DNM3: variants seen among roughly 807,000 people sequenced by gnomAD.
DNM3 encodes the protein dynamin 3.
A neutral mutation model predicts 101.6 loss-of-function variants in DNM3; 47 were observed. The observed-to-expected ratio is 0.46, with a 90% CI of 0.37 to 0.59. The LOEUF (loss-of-function observed/expected upper bound fraction) is 0.59. Ranked by LOEUF, DNM3 falls within the 20% of genes least tolerant of loss-of-function variation. The pLI is 0.00. For synonymous variants in DNM3, 385 were observed against 387.9 expected, an observed-to-expected ratio of 0.99 and a Z score of 0.09; for missense variants, 849 against 1,085.7, an observed-to-expected ratio of 0.78 and a Z score of 3.06.
intron 14 of DNM3, among the ~76,000 whole-genome samples, chr1:172,209,724 C>T (rs988281583): frequency 6.6e-6 from 1 of 152,074 alleles, no homozygotes; most frequent in Non-Finnish European, 1.5e-5. Flanking sequence ...GTGAGCCATA[C>T]ATTACAGGGC....
chr1:172,223,227 T>TGG (rs1024947039), intron 14 of DNM3, among the ~76,000 whole-genome samples: 20 of 151,616 alleles, frequency 1.3e-4, no homozygotes, highest in Admixed American at 1.2e-3. Flanking sequence ...ATCCTGCCCC[T>TGG]AACCCCACCT....
chr1:172,233,704 G>T (rs1363739835), intron 14 of DNM3, among the ~76,000 whole-genome samples: 6 of 152,114 alleles, frequency 3.9e-5, no homozygotes, highest in Non-Finnish European at 8.8e-5. Flanking sequence ...GATCAAGTGG[G>T]CTTCATCCCT....
At chr1:172,132,383 T>A (rs545966296) in intron 14 of DNM3, among the ~76,000 whole-genome samples, 5 of 152,290 alleles carry the variant, frequency 3.3e-5, no homozygotes, top group Non-Finnish European at 5.9e-5. Flanking sequence ...CCTATAGAAA[T>A]GTATTTAAAT....
At chr1:171,870,190 A>G (rs2035137908) in intron 1 of DNM3, among the ~76,000 whole-genome samples, 1 of 152,242 alleles carries the variant, frequency 6.6e-6, no homozygotes, top group Admixed American at 6.5e-5. Context: ...ATTATTAAAT[A>G]ACAATATCCG....
intron 11 of DNM3, among the ~76,000 whole-genome samples, chr1:172,075,527 A>C (rs775318805): frequency 1.3e-5 from 2 of 152,212 alleles, no homozygotes; most frequent in East Asian, 1.9e-4. Context: ...AGTCTTCTGC[A>C]TATGGCTAGC....
downstream of DNM3, among the ~76,000 whole-genome samples, chr1:172,416,740 G>A (rs924868537): frequency 1.1e-4 from 17 of 152,252 alleles, no homozygotes; most frequent in African/African-American, 3.4e-4. Context: ...TTCTGGGCAG[G>A]TGATAAATCT....
chr1:171,955,454 G>A (rs2042792144), intron 2 of DNM3, among the ~76,000 whole-genome samples: 1 of 152,174 alleles, frequency 6.6e-6, no homozygotes, highest in Non-Finnish European at 1.5e-5. Flanking sequence ...AAGGGCATCA[G>A]AGAGGAATAT....
chr1:172,003,178 A>G (rs1029491249), intron 4 of DNM3, among the ~76,000 whole-genome samples: 2 of 151,992 alleles, frequency 1.3e-5, no homozygotes, highest in Non-Finnish European at 2.9e-5. Context: ...TTGCTATTCA[A>G]GGTAAAAGTG....
chr1:172,182,339 A>T (rs2059380385), intron 14 of DNM3, among the ~76,000 whole-genome samples: 1 of 152,108 alleles, frequency 6.6e-6, no homozygotes, highest in Non-Finnish European at 1.5e-5. Context: ...ATCTGGCATC[A>T]CTGGGATATG....
chr1:172,016,787 C>T lies in DNM3; in HGVS notation c.590-15615C>T, dbSNP rs144558574. 5.8e-3 allele frequency among the ~76,000 whole-genome samples: 888 copies of T among 152,176 alleles called. 8 individuals are homozygous for T. The highest frequency in any genetic ancestry group is 0.02 in the African/African-American group (831 of 41,528). On this transcript the variant is annotated intron_variant, in intron 4 of 20. Transcript: ENST00000627582. ...TTTATTTGATGAATATAAGCCTGTT[C>T]CAATCACCTATTTCTTCTGGTGTGA... is the stretch of plus-strand genomic sequence containing the variant.
intron 1 of DNM3, among the ~76,000 whole-genome samples, chr1:171,876,266 G>A (rs559170070): frequency 6.6e-6 from 1 of 152,274 alleles, no homozygotes; most frequent in East Asian, 1.9e-4. Context: ...AACCATTGAA[G>A]TGGAATATAG....
At chr1:171,858,379 G>A (rs192374607) in intron 1 of DNM3, among the ~76,000 whole-genome samples, 1 of 151,952 alleles carries the variant, frequency 6.6e-6, no homozygotes, top group Non-Finnish European at 1.5e-5. Flanking sequence ...TAAACTACTT[G>A]TGAGTCTCCC....
rs1042830137 is a variant in DNM3 at position 172,370,991 on chromosome 1, G to A, written c.1894-8027G>A. Among the ~76,000 whole-genome samples the A allele has an allele frequency of 2.0e-5, 3 of 151,972 alleles. No individual in the cohort carries two copies. In the South Asian group the frequency reaches 6.2e-4, roughly 31 times the overall value. On this transcript the variant is annotated intron_variant, in intron 17 of 20. Transcript: ENST00000627582. ...AATTTCAGAACGAATAGAAGTGTTTGTATCTGTGGGTTTGACACACTACTG... is the reference window on the plus strand; with the variant it reads ...AATTTCAGAACGAATAGAAGTGTTTATATCTGTGGGTTTGACACACTACTG...
At chr1:172,377,181 ATAATAT>A (rs1464675647) in intron 17 of DNM3, among the ~76,000 whole-genome samples, 1 of 151,834 alleles carries the variant, frequency 6.6e-6, no homozygotes, top group Non-Finnish European at 1.5e-5. Context: ...TTGACTTAAA[ATAATAT>A]TTATCTAACA....
chr1:172,204,986 T>C (rs1213992377), intron 14 of DNM3, among the ~76,000 whole-genome samples: 1 of 152,178 alleles, frequency 6.6e-6, no homozygotes, highest in African/African-American at 2.4e-5. Context: ...CATTCAGCTA[T>C]TAAAATATAA....
intron 14 of DNM3, among the ~76,000 whole-genome samples, chr1:172,205,675 G>C (rs1434197347): frequency 6.6e-6 from 1 of 152,076 alleles, no homozygotes; most frequent in East Asian, 1.9e-4. Flanking sequence ...ATCTGCTTCT[G>C]TGTTCACTCT....
downstream of DNM3, among the ~76,000 whole-genome samples, chr1:172,414,218 C>A (rs1170189530): frequency 6.6e-6 from 1 of 152,186 alleles, no homozygotes; most frequent in Non-Finnish European, 1.5e-5. Context: ...CCTGGCATAG[C>A]CACTTTTCAG....
At position 172,088,466 on chromosome 1, in the gene DNM3, C is replaced by G. The variant is rs966544770; in HGVS notation, c.1494-4358C>G. On this transcript the variant is annotated intron_variant, in intron 12 of 20. Coordinates refer to ENST00000627582, the MANE Select transcript of DNM3 (RefSeq NM_015569.5). ...ATCATGTCACTTGCTGGCACAGAAACATGGAATGTTTTCTGCTGCCTTCAG... is the reference window on the plus strand; with the variant it reads ...ATCATGTCACTTGCTGGCACAGAAAGATGGAATGTTTTCTGCTGCCTTCAG... 4.6e-5 allele frequency among the ~76,000 whole-genome samples: 7 copies of G among 152,100 alleles called. No homozygotes were observed. In the South Asian group the frequency reaches 8.3e-4, roughly 18 times the overall value.
chr1:172,061,913 CCAGT>C (rs1258763296), intron 10 of DNM3, among the ~76,000 whole-genome samples: 3 of 151,986 alleles, frequency 2.0e-5, no homozygotes, highest in Non-Finnish European at 4.4e-5. Context: ...TGGTTGCCAT[CCAGT>C]CAAACTCTGT....
Sources: allele counts gnomAD v4.1 joint callset (sites outside exome capture counted in the v4.1 genomes callset), GRCh38; gene constraint gnomAD v4.1.1; transcripts MANE v1.5; gene names NCBI Gene and HGNC (gene_info 2026-07-23, HGNC 2026-07-21).